The following KIZ variants were observed in gnomAD, a reference collection of about 807,000 sequenced individuals.
KIZ encodes the protein kizuna centrosomal protein, also known as centrosomal protein kizuna.
Under a neutral mutation model 79.6 loss-of-function variants are expected in KIZ, and 68 were observed. The ratio of observed to expected loss-of-function variants is 0.85; its 90% CI spans 0.70 to 1.05. KIZ has a LOEUF of 1.05. Ranked by LOEUF, KIZ falls within the 50% of genes least tolerant of loss-of-function variation. The probability of loss-of-function intolerance (pLI) is 0.00; values close to 1 mark genes in which losing one functional copy is unlikely to be tolerated. For missense variants in KIZ, 797 were observed against 800.4 expected (o/e 1.00, Z 0.05); for synonymous variants, 280 against 281.8 (o/e 0.99, Z 0.06).
At chr20:21,154,879 G>C (rs1464604394) in intron 4 of KIZ, among the ~76,000 whole-genome samples, 1 of 152,206 alleles carries the variant, frequency 6.6e-6, no homozygotes, top group Non-Finnish European at 1.5e-5. Context: ...ACCTGTCTTA[G>C]AGCCTGATCT....
chr20:21,229,325 T>A (rs541815341), intron 10 of KIZ, among the ~76,000 whole-genome samples: 29 of 152,374 alleles, frequency 1.9e-4, no homozygotes, highest in South Asian at 1.7e-3. Context: ...CTGGCCAGCA[T>A]GGCAATGGCC....
At chr20:21,131,247 G>A (rs759194207) in intron 1 of KIZ, among the ~76,000 whole-genome samples, 14 of 152,272 alleles carry the variant, frequency 9.2e-5, no homozygotes, top group Admixed American at 3.3e-4. Flanking sequence ...GGCTGGTTGT[G>A]GGGTAAGACA....
chr20:21,147,130 G>A (rs2032888797), intron 4 of KIZ, among the ~76,000 whole-genome samples: 1 of 152,116 alleles, frequency 6.6e-6, no homozygotes, highest in African/African-American at 2.4e-5. Flanking sequence ...CAGGAAAACG[G>A]AAGCTTTTTT....
intron 12 of KIZ, 55 bp downstream of exon 12, chr20:21,244,343 C>CT (rs2037320141): frequency 8.0e-7 from 1 of 1,243,840 alleles, no homozygotes; most frequent in African/African-American, 1.5e-5. Flanking sequence ...CCAAAAAACT[C>CT]TGTGACATGC....
intron 10 of KIZ, 118 bp downstream of exon 10, chr20:21,229,233 C>T: frequency 1.6e-6 from 1 of 632,032 alleles, no homozygotes. Context: ...CGAGCTGTCA[C>T]CAGGACAGAA....
rs150243168 is a variant in KIZ at position 21,126,163 on chromosome 20, C to T, written c.48C>T (p.Tyr16=). ...ASAVPLSSPD[Y]YERLGQLQHG... ...CCGTGCCCCTGTCGAGTCCCGACTACTACGAGAGGCTGGGCCAACTCCAGC... is the reference window on the plus strand; with the variant it reads ...CCGTGCCCCTGTCGAGTCCCGACTATTACGAGAGGCTGGGCCAACTCCAGC... The change falls in exon 1 of 13, where the codon TAC becomes TAT. Residue 16 remains tyrosine, a synonymous_variant. Coordinates refer to ENST00000619189, the MANE Select transcript of KIZ (RefSeq NM_018474.6). The T allele has an allele frequency of 2.2e-3, 3,359 of 1,509,394 alleles. 14 individuals carry two copies. Among genetic ancestry groups the T allele is most frequent in the East Asian group, 5.7e-3 (203 of 35,556 alleles). 93.5% of individuals were successfully genotyped at this position (1,509,394 alleles called of 1,614,324 possible).
At chr20:21,244,330 T>A in intron 12 of KIZ, 42 bp downstream of exon 12, 1 of 1,416,560 alleles carries the variant, frequency 7.1e-7, no homozygotes, top group Non-Finnish European at 1.0e-6. Context: ...TTTTCTGTTT[T>A]AACCAAAAAA....
At chr20:21,154,007 A>G (rs1280395986) in intron 4 of KIZ, 2 of 152,188 alleles carry the variant, frequency 1.3e-5, no homozygotes, top group Admixed American at 6.5e-5. Context: ...TTTATAATAA[A>G]CATATAACTT....
chr20:21,246,467 T>A lies in KIZ; in HGVS notation c.1925-12T>A. The A allele has an allele frequency of 6.4e-7, 1 of 1,557,696 alleles. No individual in the cohort carries two copies. The highest frequency in any genetic ancestry group is 8.9e-7 in the Non-Finnish European group (1 of 1,129,684). On this transcript the variant is annotated splice_polypyrimidine_tract_variant and intron_variant, in intron 12 of 12. Coordinates refer to ENST00000619189, the MANE Select transcript of KIZ (RefSeq NM_018474.6). ...CAAAAATGTTAAATAACTGTCTGGT[T>A]TTATTTTCCAGCCCTCTGGGATGAG...
At position 21,232,832 on chromosome 20, in the gene KIZ, TA is replaced by T; in HGVS notation, c.1880+5del. 1 of 1,421,562 alleles carries T rather than the reference TA, an allele frequency of 7.0e-7. No individual in the cohort carries two copies. The highest frequency in any genetic ancestry group is 9.8e-7 in the Non-Finnish European group (1 of 1,017,198). The allele number at this position is 1,421,562 out of a possible 1,614,324, so 88.1% of individuals were successfully genotyped here. On this transcript the variant is annotated splice_donor_region_variant and intron_variant, in intron 11 of 12. Transcript: ENST00000619189. ...TAGTGAAGGAAGTCCTTTGTCAAGG[TA>T]AAGTTGTGAAAGCCTTTCTGAATAG...
In KIZ at chr20:21,232,747, C is replaced by T; in HGVS notation, c.1797C>T (p.Gly599=). 1.3e-6 allele frequency: 2 copies of T among 1,575,050 alleles called. No individual in the cohort carries two copies. The highest frequency in any genetic ancestry group is 1.1e-5 in the South Asian group (1 of 87,392). Reference sequence around the variant, plus strand: ...CGCTTATCACAGGTTTGAATATTGGCAGCGGTGCATTCGAGACAAAGACAG... The same window carrying T: ...CGCTTATCACAGGTTTGAATATTGGTAGCGGTGCATTCGAGACAAAGACAG... ...SVSHLSGLNI[G]SGAFETKTAN... The change falls in exon 11 of 13, where the codon GGC becomes GGT. Residue 599 remains glycine (G), a synonymous_variant. Transcript: ENST00000619189.
chr20:21,227,950 A>G (rs2036710881), intron 9 of KIZ, among the ~76,000 whole-genome samples: 1 of 152,224 alleles, frequency 6.6e-6, no homozygotes. Context: ...CCTGATCTGT[A>G]TATATTTTAA....
At chr20:21,215,899 C>A (rs370382885) in intron 9 of KIZ, among the ~76,000 whole-genome samples, 37 of 152,348 alleles carry the variant, frequency 2.4e-4, no homozygotes, top group African/African-American at 7.9e-4. Flanking sequence ...CATCCTCCAT[C>A]ATGTGCCCTT....
chr20:21,171,519 A>T (rs1208132463), intron 6 of KIZ, among the ~76,000 whole-genome samples: 1 of 152,192 alleles, frequency 6.6e-6, no homozygotes, highest in Non-Finnish European at 1.5e-5. Flanking sequence ...ATCATGGCCC[A>T]CTGCAGCCTC....
intron 6 of KIZ, among the ~76,000 whole-genome samples, chr20:21,200,510 C>T (rs1168457760): frequency 6.6e-6 from 1 of 151,540 alleles, no homozygotes. Context: ...TAGATGGTCC[C>T]GTTTGGGAGT....
At chr20:21,244,094 A>G (rs2037311003) in intron 11 of KIZ, 151 bp from the exon 12 acceptor site, 1 of 675,540 alleles carries the variant, frequency 1.5e-6, no homozygotes, top group South Asian at 1.7e-5. Flanking sequence ...GCATCCCGAT[A>G]TTTTCCCTTT....
intron 6 of KIZ, chr20:21,193,983 T>C (rs2035228781): frequency 4.6e-5 from 7 of 152,024 alleles, no homozygotes; most frequent in Admixed American, 4.6e-4. Flanking sequence ...TGTGCACATG[T>C]ACCCTAAAAC....
At chr20:21,185,433 G>A (rs1191375011) in intron 6 of KIZ, among the ~76,000 whole-genome samples, 9 of 129,896 alleles carry the variant, frequency 6.9e-5, no homozygotes, top group African/African-American at 2.1e-4. Context: ...TTTTTGAGAC[G>A]GATTCTCACT....
intron 11 of KIZ, among the ~76,000 whole-genome samples, chr20:21,237,015 A>T (rs1191694422): frequency 2.0e-5 from 3 of 148,590 alleles, no homozygotes; most frequent in East Asian, 2.0e-4. Flanking sequence ...AAAAAAAAAA[A>T]TGATGGCTGG....
Sources: gnomAD v4.1 joint callset for allele counts (sites outside exome capture counted in the v4.1 genomes callset) on GRCh38, gnomAD v4.1.1 for gene constraint, MANE v1.5 for transcripts, NCBI Gene and HGNC (gene_info 2026-07-23, HGNC 2026-07-21) for gene names.